The following ANKRD11 variants were observed in gnomAD, a reference collection of about 807,000 sequenced individuals.
The protein encoded by ANKRD11 is ankyrin repeat domain 11, also known as ankyrin repeat domain-containing protein 11.
A neutral mutation model predicts 195.7 loss-of-function variants in ANKRD11; 17 were observed. That is an observed-to-expected ratio of 0.09 (90% CI 0.06 to 0.13). The LOEUF is 0.13. Among genes scored for constraint, ANKRD11 ranks in the 10% least tolerant of loss-of-function variants. The pLI is 1.00. For synonymous variants in ANKRD11, 1,953 were observed against 1,528.1 expected, an observed-to-expected ratio of 1.28 and a Z score of -6.49; for missense variants, 3,735 against 3,566.1, an observed-to-expected ratio of 1.05 and a Z score of -1.21.
intron 1 of ANKRD11, among the ~76,000 whole-genome samples, chr16:89,453,168 G>A (rs1255324150): frequency 1.3e-5 from 2 of 152,054 alleles, no homozygotes; most frequent in Non-Finnish European, 2.9e-5. Context: ...AAATATCTTG[G>A]CTCCTTTTTG....
At chr16:89,358,304 G>A (rs2039578373) in intron 2 of ANKRD11, among the ~76,000 whole-genome samples, 1 of 152,210 alleles carries the variant, frequency 6.6e-6, no homozygotes, top group Non-Finnish European at 1.5e-5. Context: ...CCCTTCTGTT[G>A]GCCACATCAC....
At chr16:89,294,443 C>G (rs2035276910) in intron 4 of ANKRD11, among the ~76,000 whole-genome samples, 1 of 152,192 alleles carries the variant, frequency 6.6e-6, no homozygotes, top group Admixed American at 6.5e-5. Flanking sequence ...AATCTCTCCA[C>G]TGTGAAACAA....
At chr16:89,323,183 C>A in intron 2 of ANKRD11, 3 of 607,270 alleles carry the variant, frequency 4.9e-6, no homozygotes, top group Non-Finnish European at 5.2e-6. Context: ...GCCTTGTGCA[C>A]ACCTCACAGG....
intron 2 of ANKRD11, among the ~76,000 whole-genome samples, chr16:89,329,397 AG>A (rs998503368): frequency 3.3e-5 from 5 of 152,214 alleles, no homozygotes; most frequent in African/African-American, 7.2e-5. Flanking sequence ...CACAGAAAAA[AG>A]GAAAAAAAAG....
chr16:89,352,608 T>C (rs1250686521), intron 2 of ANKRD11, among the ~76,000 whole-genome samples: 1 of 152,172 alleles, frequency 6.6e-6, no homozygotes, highest in South Asian at 2.1e-4. Flanking sequence ...TCACACACAC[T>C]GTGGTAGATC....
chr16:89,296,765 G>T (rs1567601694), intron 4 of ANKRD11, among the ~76,000 whole-genome samples: 1 of 152,260 alleles, frequency 6.6e-6, no homozygotes, highest in African/African-American at 2.4e-5. Flanking sequence ...GATGAGGAAG[G>T]TGTGTCTCTC....
intron 2 of ANKRD11, among the ~76,000 whole-genome samples, chr16:89,413,390 C>G (rs1480486991): frequency 6.6e-6 from 1 of 152,122 alleles, no homozygotes; most frequent in African/African-American, 2.4e-5. Flanking sequence ...CTTTGGGAGG[C>G]TGAGGTGGGC....
intron 2 of ANKRD11, among the ~76,000 whole-genome samples, chr16:89,329,162 C>A (rs1387508356): frequency 6.6e-6 from 1 of 152,234 alleles, no homozygotes; most frequent in Non-Finnish European, 1.5e-5. Flanking sequence ...AAACCACCAA[C>A]CTCGGGGAAA....
Position 89,284,337 on chromosome 16 carries a change from C to G in ANKRD11, c.2205G>C (p.Glu735Asp), listed in dbSNP as rs781703606. 2 of 1,613,906 alleles carry G rather than the reference C, an allele frequency of 1.2e-6. No homozygotes were observed. Among genetic ancestry groups the G allele is most frequent in the East Asian group, 4.5e-5 (2 of 44,878 alleles). Residue 735 changes from glutamate (E) to aspartate (D), a missense_variant, in exon 9 of 13, where the codon GAG (glutamate) becomes GAC (aspartate). Coordinates refer to ENST00000301030, the MANE Select transcript of ANKRD11 (RefSeq NM_013275.6). The part of the protein sequence containing the change: ...NKDISRSFRE[E>D]KDRSNKAEKE... ...TTTCTGCTTTATTCGAACGGTCTTT[C>G]TCTTCTCGGAAAGACCTGCTGATGT...
At chr16:89,385,986 G>A (rs1480288703) in intron 2 of ANKRD11, among the ~76,000 whole-genome samples, 1 of 152,208 alleles carries the variant, frequency 6.6e-6, no homozygotes, top group Non-Finnish European at 1.5e-5. Context: ...GCTCAAGCCG[G>A]CCTCCCGCTC....
chr16:89,406,671 C>A (rs1214036980), intron 2 of ANKRD11, among the ~76,000 whole-genome samples: 1 of 152,146 alleles, frequency 6.6e-6, no homozygotes, highest in African/African-American at 2.4e-5. Flanking sequence ...GACTGTGATG[C>A]CGGCATCTGC....
intron 12 of ANKRD11, among the ~76,000 whole-genome samples, chr16:89,268,919 G>A (rs2032878600): frequency 1.3e-5 from 2 of 152,204 alleles, no homozygotes; most frequent in Admixed American, 1.3e-4. Context: ...CTGGCCCGGG[G>A]GCCCTGCCCT....
At chr16:89,318,292 C>T (rs1377532813) in intron 2 of ANKRD11, among the ~76,000 whole-genome samples, 1 of 152,230 alleles carries the variant, frequency 6.6e-6, no homozygotes, top group South Asian at 2.1e-4. Flanking sequence ...CCATCACAGC[C>T]AGGCCTCCCG....
intron 2 of ANKRD11, among the ~76,000 whole-genome samples, chr16:89,407,274 G>A (rs771983195): frequency 1.3e-5 from 2 of 151,510 alleles, no homozygotes; most frequent in Non-Finnish European, 2.9e-5. Flanking sequence ...GACAGAAAAA[G>A]ACTCATATTT....
At chr16:89,488,618 C>T (rs1319535997) in intron 1 of ANKRD11, among the ~76,000 whole-genome samples, 1 of 152,098 alleles carries the variant, frequency 6.6e-6, no homozygotes, top group African/African-American at 2.4e-5. Context: ...AACGTTATGC[C>T]ATAGACTAGG....
intron 2 of ANKRD11, among the ~76,000 whole-genome samples, chr16:89,375,158 T>C (rs1344914561): frequency 6.6e-6 from 1 of 152,082 alleles, no homozygotes; most frequent in African/African-American, 2.4e-5. Context: ...CACGCTGTAA[T>C]GATCTCACAG....
At chr16:89,439,426 G>T (rs367600858) in intron 1 of ANKRD11, among the ~76,000 whole-genome samples, 1 of 152,180 alleles carries the variant, frequency 6.6e-6, no homozygotes, top group South Asian at 2.1e-4. Flanking sequence ...ATCCTAAGTC[G>T]AACCATCATT....
intron 1 of ANKRD11, among the ~76,000 whole-genome samples, chr16:89,465,792 G>A (rs764597329): frequency 6.6e-6 from 1 of 152,106 alleles, no homozygotes; most frequent in Non-Finnish European, 1.5e-5. Context: ...CTAACTGCAA[G>A]CTCCACCTCC....
chr16:89,302,113 T>G (rs2035892454), intron 4 of ANKRD11, among the ~76,000 whole-genome samples: 1 of 152,202 alleles, frequency 6.6e-6, no homozygotes, highest in Admixed American at 6.5e-5. Flanking sequence ...CCTGCTGGTG[T>G]GCGCCTCTCC....
Sources: allele counts gnomAD v4.1 joint callset (sites outside exome capture counted in the v4.1 genomes callset), GRCh38; gene constraint gnomAD v4.1.1; transcripts MANE v1.5; gene names NCBI Gene and HGNC (gene_info 2026-07-23, HGNC 2026-07-21).